IGF1R: variants seen among roughly 807,000 people sequenced by gnomAD.
IGF1R encodes insulin-like growth factor 1 receptor.
In IGF1R, 44 loss-of-function variants were observed where a neutral mutation model predicts 144.6. The observed-to-expected ratio is 0.30, with a 90% CI of 0.24 to 0.39. The LOEUF (loss-of-function observed/expected upper bound fraction) is 0.39. IGF1R is among the 10% of genes least tolerant of loss of function. The pLI is 1.00. For missense variants in IGF1R, 1,355 were observed against 1,833.7 expected (o/e 0.74, Z 4.77); for synonymous variants, 795 against 722.8 (o/e 1.10, Z -1.60).
intron 13 of IGF1R, 44 bp downstream of exon 13, chr15:98,924,728 A>AG (rs1317438214): frequency 1.9e-6 from 3 of 1,562,174 alleles, no homozygotes; most frequent in East Asian, 4.5e-5. Flanking sequence ...AACTGAAAGC[A>AG]GGGTGGTCCA....
At chr15:98,793,911 A>T (rs925433326) in intron 2 of IGF1R, among the ~76,000 whole-genome samples, 1 of 152,230 alleles carries the variant, frequency 6.6e-6, no homozygotes, top group Non-Finnish European at 1.5e-5. Flanking sequence ...GAATTTAGAT[A>T]GCTTCACTTT....
At position 98,649,199 on chromosome 15, in the gene IGF1R, C is replaced by T. The variant is rs1213876355; in HGVS notation, c.-383C>T. On this transcript the variant is annotated 5_prime_UTR_variant, in exon 1 of 21. Transcript: ENST00000650285. ...CGCCTCCCGCGCGGCCAGGGCCGGG[C>T]TTGTTTTTCCTCGCCTAGGCAGATT... is the stretch of plus-strand genomic sequence containing the variant. 4.6e-6 allele frequency: 1 copy of T among 218,930 alleles called. No individual in the cohort carries two copies. Among genetic ancestry groups the T allele is most frequent in the Admixed American group, 5.8e-5 (1 of 17,226 alleles). 13.6% of individuals were successfully genotyped at this position (218,930 alleles called of 1,614,324 possible).
chr15:98,888,424 T>C (rs2013742966), intron 2 of IGF1R, among the ~76,000 whole-genome samples: 1 of 144,774 alleles, frequency 6.9e-6, no homozygotes, highest in Non-Finnish European at 1.5e-5. Context: ...GGGGGTTTGA[T>C]GAGAGAGAGA....
chr15:98,840,838 G>A (rs1025660556), intron 2 of IGF1R, among the ~76,000 whole-genome samples: 3 of 152,000 alleles, frequency 2.0e-5, no homozygotes, highest in Admixed American at 6.6e-5. Context: ...GTGCCACCAC[G>A]CCTGGCTAAC....
At chr15:98,653,111 A>C (rs1214540378) in intron 1 of IGF1R, among the ~76,000 whole-genome samples, 1 of 152,130 alleles carries the variant, frequency 6.6e-6, no homozygotes, top group Non-Finnish European at 1.5e-5. Context: ...GAAGCTTAGC[A>C]ACAGGGATTC....
In IGF1R at chr15:98,924,024, G is replaced by A. The variant is rs552594492; in HGVS notation, c.2622+12G>A. ...GATCACAAGTTGAGGTAGGACTGGG[G>A]CAGTGGCCCGTGCCTGCATGTACTT... On this transcript the variant is annotated intron_variant, in intron 12 of 20. Coordinates refer to ENST00000650285, the MANE Select transcript of IGF1R (RefSeq NM_000875.5). 3.7e-6 allele frequency: 6 copies of A among 1,613,140 alleles called. No individual in the cohort carries two copies. In the African/African-American group the frequency reaches 6.7e-5, roughly 18 times the overall value.
At chr15:98,839,082 C>G (rs889367469) in intron 2 of IGF1R, among the ~76,000 whole-genome samples, 1 of 152,252 alleles carries the variant, frequency 6.6e-6, no homozygotes, top group African/African-American at 2.4e-5. Flanking sequence ...CCAAAAGAAT[C>G]TTGCACCTGC....
Position 98,868,327 on chromosome 15 carries a change from CAAAAAAA to C in IGF1R, c.641-22987_641-22981del, listed in dbSNP as rs55905905. Among the ~76,000 whole-genome samples the C allele has an allele frequency of 1.6e-4, 8 of 49,854 alleles. 1 individual carries two copies. The highest frequency in any genetic ancestry group is 4.9e-4 in the African/African-American group (7 of 14,248). The allele number at this position is 49,854 out of a possible 152,430, so 32.7% of individuals were successfully genotyped here. On this transcript the variant is annotated intron_variant, in intron 2 of 20. Coordinates refer to ENST00000650285, the MANE Select transcript of IGF1R (RefSeq NM_000875.5). Reference sequence around the variant, plus strand: ...GGACAACAGAGTAAGACCTTGTCTCCAAAAAAAAAAAAAAAAAGCCAAATCTGTTGGG... The same window carrying C: ...GGACAACAGAGTAAGACCTTGTCTCCAAAAAAAAAAGCCAAATCTGTTGGG...
At chr15:98,941,435 T>C (rs1398860360) in intron 18 of IGF1R, among the ~76,000 whole-genome samples, 5 of 152,324 alleles carry the variant, frequency 3.3e-5, no homozygotes, top group African/African-American at 1.2e-4. Flanking sequence ...ATGTGGCATA[T>C]TTATAGTGAT....
chr15:98,663,732 C>G (rs527895771), intron 1 of IGF1R, among the ~76,000 whole-genome samples: 4 of 152,344 alleles, frequency 2.6e-5, no homozygotes, highest in African/African-American at 9.6e-5. Flanking sequence ...ATGCAGTGGC[C>G]TTGGGCTTCC....
At chr15:98,892,832 A>C (rs955543444) in intron 3 of IGF1R, among the ~76,000 whole-genome samples, 3 of 152,162 alleles carry the variant, frequency 2.0e-5, no homozygotes, top group African/African-American at 7.2e-5. Flanking sequence ...CCTGGGCAAC[A>C]TGCAAACCCC....
chr15:98,767,146 T>C (rs1394704882), intron 2 of IGF1R, among the ~76,000 whole-genome samples: 1 of 152,232 alleles, frequency 6.6e-6, no homozygotes, highest in Non-Finnish European at 1.5e-5. Flanking sequence ...TTGTACTCCC[T>C]AGATCATTAT....
intron 15 of IGF1R, among the ~76,000 whole-genome samples, chr15:98,931,247 TAATA>T (rs1399762783): frequency 6.6e-6 from 1 of 152,108 alleles, no homozygotes; most frequent in Non-Finnish European, 1.5e-5. Context: ...ATCAAATGAA[TAATA>T]AATAAGTGCA....
intron 2 of IGF1R, among the ~76,000 whole-genome samples, chr15:98,815,911 T>C (rs2056687325): frequency 6.6e-6 from 1 of 152,220 alleles, no homozygotes; most frequent in African/African-American, 2.4e-5. Flanking sequence ...CTAGACCTGT[T>C]ACATTGATTC....
chr15:98,661,812 C>T (rs2141177864), intron 1 of IGF1R, among the ~76,000 whole-genome samples: 1 of 152,300 alleles, frequency 6.6e-6, no homozygotes, highest in East Asian at 1.9e-4. Flanking sequence ...CCCAGCAAAC[C>T]TGGCAAATAG....
chr15:98,829,129 T>C (rs1235755265), intron 2 of IGF1R, among the ~76,000 whole-genome samples: 1 of 152,216 alleles, frequency 6.6e-6, no homozygotes, highest in Non-Finnish European at 1.5e-5. Flanking sequence ...CAGACTTCGA[T>C]TCAAACAAGG....
chr15:98,792,050 A>G (rs1567131346), intron 2 of IGF1R, among the ~76,000 whole-genome samples: 3 of 152,178 alleles, frequency 2.0e-5, no homozygotes, highest in Non-Finnish European at 4.4e-5. Flanking sequence ...TAGTTAAGAG[A>G]AAAATCTTTT....
chr15:98,819,180 G>A (rs2056758086), intron 2 of IGF1R, among the ~76,000 whole-genome samples: 1 of 151,878 alleles, frequency 6.6e-6, no homozygotes, highest in East Asian at 1.9e-4. Context: ...GGACAGGCCA[G>A]GAATGGAGAG....
chr15:98,886,629 C>T (rs997174933), intron 2 of IGF1R, among the ~76,000 whole-genome samples: 30 of 152,112 alleles, frequency 2.0e-4, no homozygotes, highest in Non-Finnish European at 3.7e-4. Context: ...TCCCCCATAG[C>T]GCCGTAATTG....
Sources: allele counts gnomAD v4.1 joint callset (sites outside exome capture counted in the v4.1 genomes callset), GRCh38; gene constraint gnomAD v4.1.1; transcripts MANE v1.5; gene names NCBI Gene and HGNC (gene_info 2026-07-23, HGNC 2026-07-21).